The following FBXO32 variants were observed in gnomAD, a reference collection of about 807,000 sequenced individuals.
FBXO32 encodes the protein F-box protein 32.
FBXO32 carries 15 observed loss-of-function variants against 48.3 expected under a neutral mutation model. The observed-to-expected ratio is 0.31, with a 90% CI of 0.21 to 0.48. The LOEUF (loss-of-function observed/expected upper bound fraction) is 0.48, where lower values mean the gene tolerates loss of function less well. Among genes scored for constraint, FBXO32 ranks in the 20% least tolerant of loss-of-function variants. The probability of loss-of-function intolerance (pLI) is 0.99; values close to 1 mark genes in which losing one functional copy is unlikely to be tolerated. For synonymous variants in FBXO32, 154 were observed against 165.9 expected (o/e 0.93, Z 0.55); for missense variants, 309 against 432.7 (o/e 0.71, Z 2.54).
At position 123,505,602 on chromosome 8, in the gene FBXO32, G is replaced by A. The variant is rs189343453; in HGVS notation, c.834+790C>T. Among the ~76,000 whole-genome samples, 14 of 152,246 alleles carry A rather than the reference G, an allele frequency of 9.2e-5. No homozygotes were observed. The East Asian group carries it at 2.7e-3, about 29-fold the overall frequency. On this transcript the variant is annotated intron_variant, in intron 7 of 8. Transcript: ENST00000517956. ...AATACAAAAATTAGCCAGGCATGGC[G>A]GTGTGCACCTGTAATCCCAGCTACT...
At chr8:123,530,245 T>C (rs7830622) in intron 4 of FBXO32, among the ~76,000 whole-genome samples, 6,631 of 152,244 alleles carry the variant, frequency 0.044, 196 homozygotes, top group East Asian at 0.14. Context: ...CAGGTCACTT[T>C]GGACAGCCAA....
Position 123,504,754 on chromosome 8 carries a change from A to T in FBXO32, c.835-7T>A. ...GAATTAATCGTTTGCGGATCTAAAA[A>T]ATCAAATGAATAAAGGAAATGACAG... is the stretch of plus-strand genomic sequence containing the variant. On this transcript the variant is annotated splice_region_variant and splice_polypyrimidine_tract_variant and intron_variant, in intron 7 of 8. Coordinates refer to ENST00000517956, the MANE Select transcript of FBXO32 (RefSeq NM_058229.4). 1.2e-6 allele frequency: 2 copies of T among 1,611,552 alleles called. No individual in the cohort carries two copies. Among genetic ancestry groups the T allele is most frequent in the Non-Finnish European group, 1.7e-6 (2 of 1,178,996 alleles).
In FBXO32 at chr8:123,541,052, C is replaced by T. The variant is rs1292444419; in HGVS notation, c.-38G>A. On this transcript the variant is annotated 5_prime_UTR_variant, in exon 1 of 9. Coordinates refer to ENST00000517956, the MANE Select transcript of FBXO32 (RefSeq NM_058229.4). ...GGACTAGACGGATGGGGAGACGGGGCCGGCCTGGTGGGCTCGGGGACGTGC... is the reference window on the plus strand; with the variant it reads ...GGACTAGACGGATGGGGAGACGGGGTCGGCCTGGTGGGCTCGGGGACGTGC... The T allele has an allele frequency of 6.2e-6, 9 of 1,452,254 alleles. No individual in the cohort carries two copies. Among genetic ancestry groups the T allele is most frequent in the Middle Eastern group, 2.0e-4 (1 of 5,068 alleles). 90.0% of individuals were successfully genotyped at this position (1,452,254 alleles called of 1,614,324 possible).
intron 4 of FBXO32, among the ~76,000 whole-genome samples, chr8:123,516,719 A>C (rs1816846492): frequency 6.6e-6 from 1 of 152,050 alleles, no homozygotes; most frequent in African/African-American, 2.4e-5. Flanking sequence ...CCCCAAACCA[A>C]ACTCCTTTTT....
chr8:123,531,750 A>C, intron 4 of FBXO32, 148 bp downstream of exon 4: 3 of 869,868 alleles, frequency 3.4e-6, no homozygotes, highest in Non-Finnish European at 3.4e-6. Context: ...TTGGGGAAGA[A>C]GGAGATTGAG....
Position 123,506,557 on chromosome 8 carries a change from G to A in FBXO32, c.669C>T (p.Leu223=). The A allele has an allele frequency of 6.3e-7, 1 of 1,597,706 alleles. No individual in the cohort carries two copies. The highest frequency in any genetic ancestry group is 8.6e-7 in the Non-Finnish European group (1 of 1,168,410). Residue 223 remains leucine, a synonymous_variant, in exon 7 of 9, where the codon CTC becomes CTT. Coordinates refer to ENST00000517956, the MANE Select transcript of FBXO32 (RefSeq NM_058229.4). This position sits in a 1 kb window ranked among gnomAD's most constrained non-coding sequence, Gnocchi z 4.0. Reference sequence around the variant, plus strand: ...GGCACAAAGGCAGGTCAGTGAAGGTGAGGCCTTTGAAGGCAGGCTGCAGAG... The same window carrying A: ...GGCACAAAGGCAGGTCAGTGAAGGTAAGGCCTTTGAAGGCAGGCTGCAGAG... ...IQITRPAFKG[L]TFTDLPLCLQ...
chr8:123,539,497 G>T (rs1393855043), intron 1 of FBXO32, among the ~76,000 whole-genome samples: 2 of 152,126 alleles, frequency 1.3e-5, no homozygotes, highest in African/African-American at 2.4e-5. Context: ...TCCTTATGGT[G>T]GTCCCTAAAC....
At chr8:123,507,116 T>G (rs1383719319) in intron 6 of FBXO32, among the ~76,000 whole-genome samples, 1 of 152,214 alleles carries the variant, frequency 6.6e-6, no homozygotes, top group African/African-American at 2.4e-5. Flanking sequence ...CTACTTCCTC[T>G]GAAAGGCCTT....
At position 123,504,615 on chromosome 8, in the gene FBXO32, G is replaced by T. The variant is rs765062677; in HGVS notation, c.967C>A (p.Leu323Ile). ...TCTGAGACACATACCTTCCAGGAAA[G>T]GATGTGACAGTGTTTGCAGAGCTGA... Reference protein sequence around the residue: ...TLQLCKHCHILSWKGTDHPCT... With the variant: ...TLQLCKHCHIISWKGTDHPCT... Residue 323 changes from leucine (L) to isoleucine (I), a missense_variant, in exon 8 of 9, where the codon CTT (leucine) becomes ATT (isoleucine). Transcript: ENST00000517956. The T allele has an allele frequency of 1.2e-6, 2 of 1,613,144 alleles. No individual in the cohort carries two copies. Among genetic ancestry groups the T allele is most frequent in the South Asian group, 1.1e-5 (1 of 90,868 alleles).
rs1471539480 is a variant in FBXO32, at chr8:123,541,118, G to T, written c.-104C>A. 3.6e-6 allele frequency: 2 copies of T among 555,398 alleles called. No homozygotes were observed. Among genetic ancestry groups the T allele is most frequent in the Non-Finnish European group, 5.6e-6 (2 of 358,374 alleles). The allele number at this position is 555,398 out of a possible 1,614,324, so 34.4% of individuals were successfully genotyped here. A position where few individuals can be genotyped will look rare whatever the true frequency, so the allele number is the denominator to read the frequency against. On this transcript the variant is annotated 5_prime_UTR_variant, in exon 1 of 9. Transcript: ENST00000517956. ...CTCGGGGTGCAGGGGCCCGCGACGG[G>T]GGCGGCGGGGCGGCGGGAACGGCGC...
chr8:123,514,389 T>A, intron 4 of FBXO32, 56 bp from the exon 5 acceptor site: 1 of 1,410,562 alleles, frequency 7.1e-7, no homozygotes, highest in East Asian at 2.4e-5. Context: ...TTTTCTCCTC[T>A]AATCTTCACT....
intron 2 of FBXO32, among the ~76,000 whole-genome samples, chr8:123,534,122 CAA>C (rs74355915): frequency 0.044 from 5,790 of 132,684 alleles, 155 homozygotes; most frequent in Non-Finnish European, 0.064. Context: ...CAAAAAACAC[CAA>C]AAAAAAAAAA....
At chr8:123,534,589 G>A in intron 2 of FBXO32, 113 bp downstream of exon 2, 2 of 638,956 alleles carry the variant, frequency 3.1e-6, no homozygotes, top group South Asian at 2.1e-5. Context: ...GTGACACACA[G>A]TAAAACACTG....
chr8:123,529,754 TA>T (rs1817160662), intron 4 of FBXO32, among the ~76,000 whole-genome samples: 1 of 152,210 alleles, frequency 6.6e-6, no homozygotes, highest in South Asian at 2.1e-4. Context: ...ACCCATATTT[TA>T]AAGGGTTATT....
intron 4 of FBXO32, among the ~76,000 whole-genome samples, chr8:123,521,155 C>T (rs1816945617): frequency 6.6e-6 from 1 of 152,242 alleles, no homozygotes; most frequent in Non-Finnish European, 1.5e-5. Context: ...CACTTACTTG[C>T]TGATAGGCTA....
chr8:123,540,515 C>A lies in FBXO32; in HGVS notation c.116+384G>T, dbSNP rs1042768704. On this transcript the variant is annotated intron_variant, in intron 1 of 8. Transcript: ENST00000517956. The surrounding 1 kb of genome is among the most constrained non-coding windows in gnomAD (Gnocchi z 6.4). ...CCCGCGGTGAAGGGGCTCAGCCCAC[C>A]CGCCCGCGCCCCCACATGGGCAAAG... 5.3e-5 allele frequency among the ~76,000 whole-genome samples: 8 copies of A among 152,258 alleles called. No individual in the cohort carries two copies. Among genetic ancestry groups the A allele is most frequent in the Non-Finnish European group, 1.0e-4 (7 of 68,044 alleles).
chr8:123,508,365 C>T (rs138397863), intron 6 of FBXO32, among the ~76,000 whole-genome samples: 309 of 152,172 alleles, frequency 2.0e-3, no homozygotes, highest in Non-Finnish European at 3.8e-3. Flanking sequence ...GGCAAGGGGC[C>T]TTGGGAAGGC....
rs1198534227 is a variant in FBXO32 at position 123,513,912 on chromosome 8, C to G, written c.466+328G>C. On this transcript the variant is annotated intron_variant, in intron 5 of 8. Coordinates refer to ENST00000517956, the MANE Select transcript of FBXO32 (RefSeq NM_058229.4). This position sits in a 1 kb window ranked among gnomAD's most constrained non-coding sequence, Gnocchi z 4.3. ...TACGAATCTATTCTGACTTTGTACA[C>G]ATGTCGATTTTCTAGGAATTTGGGA... 2 of 263,626 alleles carry G rather than the reference C, an allele frequency of 7.6e-6. No individual in the cohort carries two copies. The highest frequency in any genetic ancestry group is 1.4e-5 in the Non-Finnish European group (2 of 140,568). 16.3% of individuals were successfully genotyped at this position (263,626 alleles called of 1,614,324 possible).
chr8:123,530,601 A>G (rs2130551420), intron 4 of FBXO32, among the ~76,000 whole-genome samples: 1 of 152,238 alleles, frequency 6.6e-6, no homozygotes, highest in South Asian at 2.1e-4. Context: ...TACCTTCATC[A>G]TTAATATTTT....
Sources: allele counts gnomAD v4.1 joint callset (sites outside exome capture counted in the v4.1 genomes callset), GRCh38; gene constraint gnomAD v4.1.1; non-coding constraint Gnocchi (gnomAD v3.1); transcripts MANE v1.5; gene names NCBI Gene and HGNC (gene_info 2026-07-23, HGNC 2026-07-21).